The following SLC6A20 variants were observed in gnomAD, a reference collection of about 807,000 sequenced individuals.
SLC6A20 encodes the protein sodium- and chloride-dependent transporter XTRP3.
A neutral mutation model predicts 64.3 loss-of-function variants in SLC6A20; 73 were observed. That is an observed-to-expected ratio of 1.14 (90% CI 0.94 to 1.38). The LOEUF (loss-of-function observed/expected upper bound fraction) is 1.38. SLC6A20 is among the 40% of genes most tolerant of loss of function. SLC6A20 has a pLI of 0.00. For synonymous variants in SLC6A20, 347 were observed against 329.6 expected (o/e 1.05, Z -0.57); for missense variants, 725 against 772.8 (o/e 0.94, Z 0.73).
In SLC6A20 at chr3:45,758,547, C is replaced by T. The variant is rs998772882; in HGVS notation, c.*431G>A. On this transcript the variant is annotated 3_prime_UTR_variant, in exon 11 of 11. Transcript: ENST00000358525. ...AATTTTGCACCACTGACAAATAGGT[C>T]ATCTTAGGCACTTCAAAACTCCTTA... 4.4e-6 allele frequency: 5 copies of T among 1,143,220 alleles called. No homozygotes were observed. The African/African-American group carries it at 8.3e-5, about 19-fold the overall frequency. 70.8% of individuals were successfully genotyped at this position (1,143,220 alleles called of 1,614,324 possible). A position where few individuals can be genotyped will look rare whatever the true frequency, so the allele number is the denominator to read the frequency against.
intron 5 of SLC6A20, 194 bp from the exon 6 acceptor site, chr3:45,771,652 T>TGCAC: frequency 1.2e-6 from 1 of 800,586 alleles, no homozygotes; most frequent in Non-Finnish European, 1.9e-6. Context: ...CACCTCAAGC[T>TGCAC]GCACACCTCC....
chr3:45,792,802 T>TG, intron 1 of SLC6A20, among the ~76,000 whole-genome samples: 1 of 152,188 alleles, frequency 6.6e-6, no homozygotes, highest in African/African-American at 2.4e-5. Context: ...ATCAAGGTAA[T>TG]CTGCAAATTC....
In SLC6A20 at chr3:45,771,216, C is replaced by T; in HGVS notation, c.935+1G>A. The T allele has an allele frequency of 1.2e-6, 2 of 1,614,076 alleles. No individual in the cohort carries two copies. The highest frequency in any genetic ancestry group is 1.7e-6 in the Non-Finnish European group (2 of 1,179,998). The stretch of plus-strand genomic sequence containing the variant: ...GACTCGGTGGGACAGCCCAGGCTTA[C>T]TTCTTCAAGCAGTTTTCATAATTGA... On this transcript the variant is annotated splice_donor_variant, in intron 6 of 10. Coordinates refer to ENST00000358525, the MANE Select transcript of SLC6A20 (RefSeq NM_020208.4). LOFTEE classifies it high-confidence loss of function.
Position 45,759,932 on chromosome 3 carries a change from G to A in SLC6A20, c.1554C>T (p.Val518=). Residue 518 remains valine (V), a synonymous_variant, in exon 10 of 11, where the codon GTC becomes GTT. Coordinates refer to ENST00000358525, the MANE Select transcript of SLC6A20 (RefSeq NM_020208.4). ...CGCTCAGGTAGAAGACAAAGAGGCTGACAATCAGCAGTGGGCTTACGCCAG... is the reference window on the plus strand; with the variant it reads ...CGCTCAGGTAGAAGACAAAGAGGCTAACAATCAGCAGTGGGCTTACGCCAG... The part of the protein sequence containing the change: ...MWAGVSPLLI[V]SLFVFYLSDY... 6.2e-7 allele frequency: 1 copy of A among 1,614,188 alleles called. No homozygotes were observed.
chr3:45,765,799 G>A lies in SLC6A20; in HGVS notation c.1099-58C>T, dbSNP rs1699767836. The A allele has an allele frequency of 3.1e-5, 49 of 1,587,666 alleles. No homozygotes were observed. Among genetic ancestry groups the A allele is most frequent in the East Asian group, 6.7e-5 (3 of 44,750 alleles). On this transcript the variant is annotated intron_variant, in intron 7 of 10. Transcript: ENST00000358525. The surrounding 1 kb of genome is among the most constrained non-coding windows in gnomAD (Gnocchi z 4.2). ...AAGAGGGACTTATAGTCTTATTCAC[G>A]CACTCAGTACTAAGCAACATGGGGG...
rs773537913 is a variant in SLC6A20 at position 45,771,344 on chromosome 3, T to C, written c.808A>G (p.Asn270Asp). ...IAFASYNEPS[N>D]NCQKHAIIVS... is the part of the protein sequence containing the mutation. ...ATGATGGCGTGCTTCTGGCAGTTGT[T>C]GGATGGCTCATTGTAGCTGGCGAAG... is the stretch of plus-strand genomic sequence containing the variant. Residue 270 changes from asparagine to aspartate, a missense_variant, in exon 6 of 11, where the codon AAC becomes GAC. Transcript: ENST00000358525. The C allele has an allele frequency of 2.8e-5, 45 of 1,614,108 alleles. No individual in the cohort carries two copies. Among genetic ancestry groups the C allele is most frequent in the Non-Finnish European group, 3.5e-5 (41 of 1,180,044 alleles).
rs200212349 is a variant in SLC6A20 at position 45,765,487 on chromosome 3, C to A, written c.1303+50G>T. The A allele has an allele frequency of 1.9e-6, 3 of 1,568,822 alleles. No homozygotes were observed. Among genetic ancestry groups the A allele is most frequent in the South Asian group, 1.2e-5 (1 of 86,388 alleles). ...GGGAGCTCTCCCCTGTTCACCCCCA[C>A]GCCTTGGCCCTCCTGACCCCTGCCT... On this transcript the variant is annotated intron_variant, in intron 8 of 10. Transcript: ENST00000358525. This position sits in a 1 kb window ranked among gnomAD's most constrained non-coding sequence, Gnocchi z 4.2.
At chr3:45,793,496 A>T (rs2373048) in intron 1 of SLC6A20, among the ~76,000 whole-genome samples, 126,489 of 151,282 alleles carry the variant, frequency 0.84, 53,341 homozygotes, top group African/African-American at 0.95. Context: ...TTTATTTTTT[A>T]TTTTTCTAGA....
At chr3:45,782,662 A>G (rs200526772) in intron 1 of SLC6A20, among the ~76,000 whole-genome samples, 4 of 93,530 alleles carry the variant, frequency 4.3e-5, no homozygotes, top group Non-Finnish European at 8.8e-5. Context: ...CATCCATCCA[A>G]CCATCCATCC....
chr3:45,771,088 G>T, intron 6 of SLC6A20, 129 bp downstream of exon 6: 1 of 1,352,356 alleles, frequency 7.4e-7, no homozygotes, highest in East Asian at 2.5e-5. Context: ...TGGTGGTGTA[G>T]GGAGTCCAAA....
At position 45,771,468 on chromosome 3, in the gene SLC6A20, C is replaced by T; in HGVS notation, c.694-10G>A. On this transcript the variant is annotated splice_polypyrimidine_tract_variant and intron_variant, in intron 5 of 10. Coordinates refer to ENST00000358525, the MANE Select transcript of SLC6A20 (RefSeq NM_020208.4). ...TGGCCAGCTGCTCTATCTGGAAGGC[C>T]AGCAGGGACAGGGCTGATGATCCCT... 4 of 1,613,898 alleles carry T rather than the reference C, an allele frequency of 2.5e-6. No individual in the cohort carries two copies. Among genetic ancestry groups the T allele is most frequent in the Non-Finnish European group, 3.4e-6 (4 of 1,179,796 alleles).
Position 45,756,858 on chromosome 3 carries a change from G to C in SLC6A20, c.*2120C>G, listed in dbSNP as rs1418439543. ...ACAGTGGGCCCAGGACCGGCGCTCA[G>C]CATGTGGAGGACCCGCACCGGCGCT... On this transcript the variant is annotated 3_prime_UTR_variant, in exon 11 of 11. Transcript: ENST00000358525. The C allele has an allele frequency of 6.6e-6, 1 of 152,200 alleles. No homozygotes were observed. The highest frequency in any genetic ancestry group is 2.4e-5 in the African/African-American group (1 of 41,450). 9.4% of individuals were successfully genotyped at this position (152,200 alleles called of 1,614,324 possible).
At chr3:45,770,174 A>T (rs1370319772) in intron 7 of SLC6A20, 35 bp downstream of exon 7, 16 of 1,612,730 alleles carry the variant, frequency 9.9e-6, no homozygotes, top group Non-Finnish European at 1.4e-5. Context: ...GTGTGTGGAG[A>T]GAAGCCAGTC....
intron 3 of SLC6A20, among the ~76,000 whole-genome samples, chr3:45,779,015 C>CGCCCCCACTCACCCAAGCATTCCTCAT (rs1700024387): frequency 6.6e-6 from 1 of 152,188 alleles, no homozygotes; most frequent in African/African-American, 2.4e-5. Flanking sequence ...GCATTCCTCA[C>CGCCCCCACTCACCCAAGCATTCCTCAT]GCCCCCACAG....
chr3:45,758,340 G>T lies in SLC6A20; in HGVS notation c.*638C>A. 9.6e-7 allele frequency: 1 copy of T among 1,039,952 alleles called. No individual in the cohort carries two copies. Among genetic ancestry groups the T allele is most frequent in the Non-Finnish European group, 1.3e-6 (1 of 773,356 alleles). 64.4% of individuals were successfully genotyped at this position (1,039,952 alleles called of 1,614,324 possible). On this transcript the variant is annotated 3_prime_UTR_variant, in exon 11 of 11. Coordinates refer to ENST00000358525, the MANE Select transcript of SLC6A20 (RefSeq NM_020208.4). Reference sequence around the variant, plus strand: ...TGGTTTGGGGTTGCAAACTGTAGTTGGGGCAATTTTTTGTAGAGAGGTCTG... The same window carrying T: ...TGGTTTGGGGTTGCAAACTGTAGTTTGGGCAATTTTTTGTAGAGAGGTCTG...
Position 45,771,405 on chromosome 3 carries a change from G to A in SLC6A20, c.747C>T (p.Phe249=), listed in dbSNP as rs758378710. Residue 249 remains phenylalanine (F), a synonymous_variant, in exon 6 of 11, where the codon TTC becomes TTT. Transcript: ENST00000358525. ...TGCCGAAGCCCAGGCCAAGTGAGAA[G>A]AAGATCTGGGTGGCTGCATTGATCC... is the stretch of plus-strand genomic sequence containing the variant. ...KAWINAATQI[F]FSLGLGFGSL... 8 of 1,614,290 alleles carry A rather than the reference G, an allele frequency of 5.0e-6. No homozygotes were observed. The highest frequency in any genetic ancestry group is 6.8e-6 in the Non-Finnish European group (8 of 1,180,054).
At chr3:45,780,159 G>A (rs760746277) in intron 2 of SLC6A20, 59 bp from the exon 3 acceptor site, 64 of 1,508,762 alleles carry the variant, frequency 4.2e-5, no homozygotes, top group Non-Finnish European at 5.3e-5. Flanking sequence ...CCTCCGCCAG[G>A]CCCAGCGTGT....
chr3:45,766,584 C>A (rs1699780787), intron 7 of SLC6A20, among the ~76,000 whole-genome samples: 1 of 152,186 alleles, frequency 6.6e-6, no homozygotes, highest in Admixed American at 6.5e-5. Context: ...TATGTTGAAA[C>A]CCTAGCTCCC....
chr3:45,763,009 C>A lies in SLC6A20; in HGVS notation c.1367G>T (p.Trp456Leu), dbSNP rs1363260256. The stretch of plus-strand genomic sequence containing the variant: ...CGCGTAGTCGTTGAATATGTCAAAC[C>A]AGTAGTTCCCAGCCTCCATCGTGAA... The part of the protein sequence containing the change: ...MVFTMEAGNY[W>L]FDIFNDYAAT... The change falls in exon 9 of 11, where the codon TGG becomes TTG. Residue 456 changes from tryptophan to leucine, a missense_variant. Transcript: ENST00000358525. The A allele has an allele frequency of 6.2e-7, 1 of 1,614,012 alleles. No individual in the cohort carries two copies. Among genetic ancestry groups the A allele is most frequent in the Non-Finnish European group, 8.5e-7 (1 of 1,180,042 alleles).
Sources: allele counts gnomAD v4.1 joint callset (sites outside exome capture counted in the v4.1 genomes callset), GRCh38; gene constraint gnomAD v4.1.1; non-coding constraint Gnocchi (gnomAD v3.1); transcripts MANE v1.5; gene names NCBI Gene and HGNC (gene_info 2026-07-23, HGNC 2026-07-21).